Variants in ACSM1 observed in about 807,000 individuals in gnomAD.
The protein encoded by ACSM1 is acyl-CoA synthetase medium chain family member 1.
Under a neutral mutation model 75.8 loss-of-function variants are expected in ACSM1, and 79 were observed. That is an observed-to-expected ratio of 1.04 (90% CI 0.87 to 1.26). ACSM1 has a LOEUF of 1.26. Among genes scored for constraint, ACSM1 ranks in the 50% most tolerant of loss-of-function variants. ACSM1 has a pLI of 0.00. For missense variants in ACSM1, 676 were observed against 720.1 expected (o/e 0.94, Z 0.70); for synonymous variants, 279 against 265.8 (o/e 1.05, Z -0.48).
intron 10 of ACSM1, among the ~76,000 whole-genome samples, chr16:20,635,025 T>G (rs1269409993): frequency 1.3e-5 from 2 of 152,112 alleles, no homozygotes; most frequent in African/African-American, 4.8e-5. Flanking sequence ...AATGGAGGAA[T>G]ACTGACATTT....
rs553740222 is a variant in ACSM1 at position 20,675,530 on chromosome 16, G to C, written c.612-3859C>G. Among the ~76,000 whole-genome samples the C allele has an allele frequency of 8.5e-5, 13 of 152,312 alleles. No homozygotes were observed. In the South Asian group the frequency reaches 1.2e-3, roughly 15 times the overall value. ...AGAGTGAAAGTGCACCTCAAGGGAGGAAATGGGAGGAAAAGCATGGAAACC... is the reference window on the plus strand; with the variant it reads ...AGAGTGAAAGTGCACCTCAAGGGAGCAAATGGGAGGAAAAGCATGGAAACC... On this transcript the variant is annotated intron_variant, in intron 4 of 13. Coordinates refer to ENST00000520010, the MANE Select transcript of ACSM1 (RefSeq NM_001318890.3).
At position 20,673,726 on chromosome 16, in the gene ACSM1, G is replaced by C. The variant is rs1185194123; in HGVS notation, c.612-2055C>G. 4.6e-5 allele frequency among the ~76,000 whole-genome samples: 7 copies of C among 152,028 alleles called. No individual in the cohort carries two copies. The South Asian group carries it at 1.5e-3, about 32-fold the overall frequency. ...ATAGTTGGCAATTCCATTTTTCTTG[G>C]GGTCTTAAGTTTTACCTTAAAAATT... is the stretch of plus-strand genomic sequence containing the variant. On this transcript the variant is annotated intron_variant, in intron 4 of 13. Coordinates refer to ENST00000520010, the MANE Select transcript of ACSM1 (RefSeq NM_001318890.3).
chr16:20,626,634 AT>A (rs1228014830), intron 11 of ACSM1, among the ~76,000 whole-genome samples: 1 of 151,886 alleles, frequency 6.6e-6, no homozygotes, highest in African/African-American at 2.4e-5. Context: ...GAGGTGGGTT[AT>A]ATAAAGCATT....
At position 20,637,431 on chromosome 16, in the gene ACSM1, G is replaced by A; in HGVS notation, c.1137C>T (p.Tyr379=). 6.2e-7 allele frequency: 1 copy of A among 1,614,006 alleles called. No homozygotes were observed. Among genetic ancestry groups the A allele is most frequent in the Non-Finnish European group, 8.5e-7 (1 of 1,180,004 alleles). The change falls in exon 9 of 14, where the codon TAC becomes TAT. Residue 379 remains tyrosine, a synonymous_variant. Coordinates refer to ENST00000520010, the MANE Select transcript of ACSM1 (RefSeq NM_001318890.3). ...AACCCGGCTTGATCTTCATTCCCCAGTAGGTGGCACAAATTAGTCCCTGTT... is the reference window on the plus strand; with the variant it reads ...AACCCGGCTTGATCTTCATTCCCCAATAGGTGGCACAAATTAGTCCCTGTT... ...QSETGLICAT[Y]WGMKIKPGFM...
At position 20,627,295 on chromosome 16, in the gene ACSM1, T is replaced by C. The variant is rs2152184800; in HGVS notation, c.1321A>G (p.Lys441Glu). ...CYEGDPEKTA[K>E]VECGDFYNTG... ...TTGTAGAAGTCCCCACATTCCACTT[T>C]AGCTGTCTTCTCTGGGTCACCCTGC... is the stretch of plus-strand genomic sequence containing the variant. Residue 441 changes from lysine to glutamate, a missense_variant, in exon 11 of 14, where the codon AAA becomes GAA. Coordinates refer to ENST00000520010, the MANE Select transcript of ACSM1 (RefSeq NM_001318890.3). 1 of 1,580,890 alleles carries C rather than the reference T, an allele frequency of 6.3e-7. No individual in the cohort carries two copies. Among genetic ancestry groups the C allele is most frequent in the South Asian group, 1.2e-5 (1 of 84,542 alleles).
rs867250289 is a variant in ACSM1 at position 20,623,408 on chromosome 16, C to T, written c.*78G>A. The T allele has an allele frequency of 1.3e-5, 17 of 1,260,848 alleles. No individual in the cohort carries two copies. Among genetic ancestry groups the T allele is most frequent in the South Asian group, 2.5e-5 (2 of 80,850 alleles). The allele number at this position is 1,260,848 out of a possible 1,614,324, so 78.1% of individuals were successfully genotyped here. A position where few individuals can be genotyped will look rare whatever the true frequency, so the allele number is the denominator to read the frequency against. ...ATCAACACTCTCAATGCCCCACCCTCGTCCTCACCATAGTGGGGAGACTAA... is the reference window on the plus strand; with the variant it reads ...ATCAACACTCTCAATGCCCCACCCTTGTCCTCACCATAGTGGGGAGACTAA... On this transcript the variant is annotated 3_prime_UTR_variant, in exon 14 of 14. Coordinates refer to ENST00000520010, the MANE Select transcript of ACSM1 (RefSeq NM_001318890.3).
chr16:20,650,702 T>C (rs1053942862), intron 7 of ACSM1, among the ~76,000 whole-genome samples: 1 of 151,032 alleles, frequency 6.6e-6, no homozygotes, highest in Non-Finnish European at 1.5e-5. Flanking sequence ...AATCTAAGAA[T>C]AAGGAGTAAA....
intron 7 of ACSM1, among the ~76,000 whole-genome samples, chr16:20,657,487 T>C (rs549943918): frequency 6.6e-6 from 1 of 152,190 alleles, no homozygotes; most frequent in South Asian, 2.1e-4. Flanking sequence ...TTTTATACTT[T>C]TAATAGAGAC....
intron 8 of ACSM1, among the ~76,000 whole-genome samples, chr16:20,638,881 TG>T (rs2017892691): frequency 2.0e-5 from 3 of 152,210 alleles, no homozygotes; most frequent in Non-Finnish European, 4.4e-5. Context: ...ATTGGAGTCG[TG>T]GGTGGAGTGT....
chr16:20,637,250 G>GGTAAAAA (rs1555466031), intron 9 of ACSM1, 121 bp downstream of exon 9: 1 of 860,840 alleles, frequency 1.2e-6, no homozygotes, highest in Admixed American at 1.7e-5. Flanking sequence ...AGGGATAAAT[G>GGTAAAAA]AGAAGAGAGG....
intron 3 of ACSM1, among the ~76,000 whole-genome samples, chr16:20,683,302 A>T (rs1366680636): frequency 1.3e-5 from 2 of 151,682 alleles, no homozygotes. Flanking sequence ...TATTATTATT[A>T]TTTTTAGTAG....
intron 2 of ACSM1, among the ~76,000 whole-genome samples, chr16:20,689,745 A>T (rs1359246967): frequency 6.6e-6 from 1 of 152,234 alleles, no homozygotes; most frequent in African/African-American, 2.4e-5. Context: ...TCTCCAACCC[A>T]TCTTGTTTCA....
chr16:20,644,538 AACAC>A (rs56275246), intron 7 of ACSM1, among the ~76,000 whole-genome samples: 16,899 of 144,878 alleles, frequency 0.12, 1,112 homozygotes, highest in East Asian at 0.38. Flanking sequence ...GTGATTGAGG[AACAC>A]ACACACACAC....
At chr16:20,623,650 C>T in intron 13 of ACSM1, 78 bp from the exon 14 acceptor site, 1 of 1,392,516 alleles carries the variant, frequency 7.2e-7, no homozygotes, top group Non-Finnish European at 1.0e-6. Flanking sequence ...TCCTCCTCTG[C>T]CCCTCCACAG....
intron 10 of ACSM1, among the ~76,000 whole-genome samples, chr16:20,629,331 T>A (rs1253196148): frequency 6.6e-6 from 1 of 152,214 alleles, no homozygotes; most frequent in African/African-American, 2.4e-5. Flanking sequence ...AGTTTTTTTT[T>A]ATACAATTGA....
intron 10 of ACSM1, among the ~76,000 whole-genome samples, chr16:20,634,390 C>CT (rs1380894594): frequency 6.6e-6 from 1 of 152,092 alleles, no homozygotes; most frequent in African/African-American, 2.4e-5. Context: ...GATACTTAAA[C>CT]AACAGTGGTC....
chr16:20,643,853 C>T (rs1304812815), intron 7 of ACSM1, among the ~76,000 whole-genome samples: 2 of 151,966 alleles, frequency 1.3e-5, no homozygotes, highest in Non-Finnish European at 2.9e-5. Flanking sequence ...AGACACAGAG[C>T]GCTGATTGGT....
chr16:20,643,839 A>T (rs1295688168), intron 7 of ACSM1, among the ~76,000 whole-genome samples: 1 of 152,098 alleles, frequency 6.6e-6, no homozygotes, highest in Non-Finnish European at 1.5e-5. Context: ...ACAATCCTTT[A>T]TCTAGACACA....
intron 7 of ACSM1, 94 bp from the exon 8 acceptor site, chr16:20,640,678 T>C: frequency 6.4e-7 from 1 of 1,563,436 alleles, no homozygotes; most frequent in Non-Finnish European, 8.7e-7. Context: ...TTCATCCTTC[T>C]AGTTCCTCAC....
Sources: gnomAD v4.1 joint callset for allele counts (sites outside exome capture counted in the v4.1 genomes callset) on GRCh38, gnomAD v4.1.1 for gene constraint, MANE v1.5 for transcripts, NCBI Gene and HGNC (gene_info 2026-07-23, HGNC 2026-07-21) for gene names.